RANBP3L: variants seen among roughly 807,000 people sequenced by gnomAD.
RANBP3L encodes ran-binding protein 3-like.
A neutral mutation model predicts 67.2 loss-of-function variants in RANBP3L; 56 were observed. The observed-to-expected ratio is 0.83, with a 90% CI of 0.67 to 1.04. The LOEUF (loss-of-function observed/expected upper bound fraction) is 1.04. RANBP3L is among the 50% of genes least tolerant of loss of function. The pLI, the probability that RANBP3L is intolerant of heterozygous loss-of-function variation, is 0.00. For missense variants in RANBP3L, 496 were observed against 535.5 expected, an observed-to-expected ratio of 0.93 and a Z score of 0.73; for synonymous variants, 164 against 181.4, an observed-to-expected ratio of 0.90 and a Z score of 0.77.
At chr5:36,278,082 A>G (rs896921261) in intron 1 of RANBP3L, among the ~76,000 whole-genome samples, 1 of 152,162 alleles carries the variant, frequency 6.6e-6, no homozygotes, top group East Asian at 1.9e-4. Flanking sequence ...TATGGGAGCT[A>G]CAATTCAAGA....
intron 1 of RANBP3L, among the ~76,000 whole-genome samples, chr5:36,274,483 A>C (rs1015941348): frequency 3.3e-5 from 5 of 152,088 alleles, no homozygotes; most frequent in African/African-American, 1.2e-4. Flanking sequence ...TTCCAAGCAG[A>C]GGGAAAAGCA....
chr5:36,298,499 C>G (rs897523948), intron 1 of RANBP3L, among the ~76,000 whole-genome samples: 1 of 152,146 alleles, frequency 6.6e-6, no homozygotes, highest in African/African-American at 2.4e-5. Flanking sequence ...AAACAAATGG[C>G]TTTGCTTCCT....
At chr5:36,265,993 A>AG (rs1554016130) in intron 4 of RANBP3L, among the ~76,000 whole-genome samples, 30 of 149,308 alleles carry the variant, frequency 2.0e-4, no homozygotes, top group African/African-American at 5.4e-4. Context: ...AAAAAAAAAA[A>AG]AAAAAAAGAT....
chr5:36,277,632 A>G (rs984989961), intron 1 of RANBP3L, among the ~76,000 whole-genome samples: 2 of 152,054 alleles, frequency 1.3e-5, no homozygotes, highest in Non-Finnish European at 2.9e-5. Flanking sequence ...ATCCAGATGT[A>G]GACATCTATC....
At chr5:36,286,731 C>G (rs1751349528) in intron 1 of RANBP3L, among the ~76,000 whole-genome samples, 1 of 152,130 alleles carries the variant, frequency 6.6e-6, no homozygotes, top group Admixed American at 6.5e-5. Context: ...AATCAATAAC[C>G]ACGTCAGAAC....
Position 36,247,171 on chromosome 5 carries a change from T to G in RANBP3L, c.*2483A>C, listed in dbSNP as rs1748345343. ...AGGAGAACAAAGGACATAGGAAAGCTGAAAAGAAGGCTAGATGAAGATACA... is the reference window on the plus strand; with the variant it reads ...AGGAGAACAAAGGACATAGGAAAGCGGAAAAGAAGGCTAGATGAAGATACA... On this transcript the variant is annotated 3_prime_UTR_variant, in exon 14 of 14. Coordinates refer to ENST00000296604, the MANE Select transcript of RANBP3L (RefSeq NM_145000.5). Among the ~76,000 whole-genome samples the G allele has an allele frequency of 6.6e-6, 1 of 152,194 alleles. No individual in the cohort carries two copies. The highest frequency in any genetic ancestry group is 2.4e-5 in the African/African-American group (1 of 41,434).
chr5:36,253,834 CG>C, intron 11 of RANBP3L, 45 bp from the exon 12 acceptor site: 1 of 1,574,944 alleles, frequency 6.3e-7, no homozygotes, highest in Non-Finnish European at 8.6e-7. Flanking sequence ...ACAGTTGACA[CG>C]GAGGAATTTA....
chr5:36,260,140 T>C (rs1561102540), intron 8 of RANBP3L, among the ~76,000 whole-genome samples: 1 of 150,920 alleles, frequency 6.6e-6, no homozygotes, highest in African/African-American at 2.4e-5. Flanking sequence ...GATGACGAGG[T>C]CAGGAGATCG....
chr5:36,299,347 G>GTT (rs1752460221), intron 1 of RANBP3L, among the ~76,000 whole-genome samples: 12 of 144,112 alleles, frequency 8.3e-5, no homozygotes, highest in African/African-American at 3.2e-4. Context: ...GTGTGTGTGT[G>GTT]TGTGTGTGTG....
chr5:36,292,437 G>A (rs1285700012), intron 1 of RANBP3L, among the ~76,000 whole-genome samples: 1 of 152,074 alleles, frequency 6.6e-6, no homozygotes, highest in East Asian at 1.9e-4. Flanking sequence ...GGCTTTTGTT[G>A]CCATTGCTTT....
Position 36,283,511 on chromosome 5 carries a change from G to T in RANBP3L, c.92-12200C>A, listed in dbSNP as rs16902925. 8.0e-3 allele frequency among the ~76,000 whole-genome samples: 1,189 copies of T among 148,762 alleles called. 16 individuals carry two copies. The highest frequency in any genetic ancestry group is 0.027 in the African/African-American group (1,106 of 40,270). On this transcript the variant is annotated intron_variant, in intron 1 of 13. Transcript: ENST00000296604. Reference sequence around the variant, plus strand: ...CCTCATAATCTGTAGTACTGGTATGGGTCTTGCCTATGCTCTGTATATAAA... The same window carrying T: ...CCTCATAATCTGTAGTACTGGTATGTGTCTTGCCTATGCTCTGTATATAAA...
chr5:36,250,855 G>T lies in RANBP3L; in HGVS notation c.1354+458C>A, dbSNP rs1748541138. The stretch of plus-strand genomic sequence containing the variant: ...GTACTTTTTCCCCTAGATAAAATAG[G>T]TCCTTGAAAATAGTATTTGTACAAT... On this transcript the variant is annotated intron_variant, in intron 13 of 13. Transcript: ENST00000296604. 2.0e-5 allele frequency among the ~76,000 whole-genome samples: 3 copies of T among 151,916 alleles called. No individual in the cohort carries two copies. The South Asian group carries it at 6.2e-4, about 32-fold the overall frequency.
chr5:36,268,982 T>C (rs532219393), intron 4 of RANBP3L, among the ~76,000 whole-genome samples: 1 of 152,246 alleles, frequency 6.6e-6, no homozygotes, highest in East Asian at 1.9e-4. Flanking sequence ...AGTGCTGGGA[T>C]TGCAGGTATG....
In RANBP3L at chr5:36,261,467, T is replaced by A. The variant is rs1013743466; in HGVS notation, c.584+472A>T. Among the ~76,000 whole-genome samples, 6 of 152,274 alleles carry A rather than the reference T, an allele frequency of 3.9e-5. No homozygotes were observed. The East Asian group carries it at 9.6e-4, about 24-fold the overall frequency. On this transcript the variant is annotated intron_variant, in intron 7 of 13. Transcript: ENST00000296604. ...CAGAGCCCAGTCATGTGAGTCAGTT[T>A]ATATCCACAGCTAGTTTTAACCTCT...
At chr5:36,279,616 G>T (rs999303518) in intron 1 of RANBP3L, among the ~76,000 whole-genome samples, 1 of 152,150 alleles carries the variant, frequency 6.6e-6, no homozygotes, top group Non-Finnish European at 1.5e-5. Context: ...CTGCTGAAAC[G>T]ATTGCAGCCC....
rs552175884 is a variant in RANBP3L at position 36,277,002 on chromosome 5, C to T, written c.92-5691G>A. Among the ~76,000 whole-genome samples the T allele has an allele frequency of 2.6e-5, 4 of 152,320 alleles. No individual in the cohort carries two copies. In the East Asian group the frequency reaches 7.7e-4, roughly 29 times the overall value. ...CCATGCTGGATAGAACCAGGCTACT[C>T]TAGCCAGGGCTAAAAAAGGTTGTGT... On this transcript the variant is annotated intron_variant, in intron 1 of 13. Transcript: ENST00000296604.
At chr5:36,293,738 C>T (rs950634720) in intron 1 of RANBP3L, among the ~76,000 whole-genome samples, 12 of 148,778 alleles carry the variant, frequency 8.1e-5, no homozygotes, top group Non-Finnish European at 1.6e-4. Context: ...GCCTTGCATC[C>T]CAGGGATGAA....
At chr5:36,269,363 A>G in intron 4 of RANBP3L, 27 bp downstream of exon 4, 1 of 1,274,906 alleles carries the variant, frequency 7.8e-7, no homozygotes, top group Non-Finnish European at 1.1e-6. Context: ...ATAACAGTGA[A>G]TAGTCAACAG....
intron 10 of RANBP3L, chr5:36,256,708 A>G (rs1416347120): frequency 6.4e-6 from 3 of 471,170 alleles, no homozygotes; most frequent in Non-Finnish European, 1.1e-5. Context: ...TAAGGGACTA[A>G]TGTGAATAGT....
Sources: allele counts gnomAD v4.1 joint callset (sites outside exome capture counted in the v4.1 genomes callset), GRCh38; gene constraint gnomAD v4.1.1; transcripts MANE v1.5; gene names NCBI Gene and HGNC (gene_info 2026-07-23, HGNC 2026-07-21).